CSMD3: variants seen among roughly 807,000 people sequenced by gnomAD.
CSMD3 encodes the protein CUB and Sushi multiple domains 3, also known as CUB and sushi domain-containing protein 3.
CSMD3 carries 177 observed loss-of-function variants against 435.2 expected under a neutral mutation model. The observed-to-expected ratio is 0.41, with a 90% CI of 0.36 to 0.46. The LOEUF (loss-of-function observed/expected upper bound fraction) is 0.46, where lower values mean the gene tolerates loss of function less well. Ranked by LOEUF, CSMD3 falls within the 20% of genes least tolerant of loss-of-function variation. The pLI, the probability that CSMD3 is intolerant of heterozygous loss-of-function variation, is 0.34. For synonymous variants in CSMD3, 1,656 were observed against 1,520.5 expected (o/e 1.09, Z -2.07); for missense variants, 4,265 against 4,504.6 (o/e 0.95, Z 1.52).
At chr8:112,654,520 C>T (rs1175794800) in intron 18 of CSMD3, among the ~76,000 whole-genome samples, 2 of 152,210 alleles carry the variant, frequency 1.3e-5, no homozygotes, top group East Asian at 3.9e-4. Flanking sequence ...TTCCACTTTG[C>T]CTTTTAAGGC....
rs571022358 is a variant in CSMD3 at position 112,530,241 on chromosome 8, A to G, written c.4565-13016T>C. On this transcript the variant is annotated intron_variant, in intron 27 of 70. Transcript: ENST00000297405. ...AAGAAAAACAGGACAGTTTACTCAA[A>G]TAAATAATAGCTAAAATTTTCCCAA... Among the ~76,000 whole-genome samples the G allele has an allele frequency of 4.6e-5, 7 of 152,314 alleles. No homozygotes were observed. In the East Asian group the frequency reaches 1.4e-3, roughly 29 times the overall value.
intron 45 of CSMD3, among the ~76,000 whole-genome samples, chr8:112,324,515 C>T (rs1823306590): frequency 6.6e-6 from 1 of 151,576 alleles, no homozygotes; most frequent in Admixed American, 6.6e-5. Flanking sequence ...TCTGTATATG[C>T]TAATAGTTGG....
At position 112,504,157 on chromosome 8, in the gene CSMD3, CAAATA is replaced by C. The variant is rs144082234; in HGVS notation, c.4896-185_4896-181del. On this transcript the variant is annotated intron_variant, in intron 29 of 70. Transcript: ENST00000297405. The stretch of plus-strand genomic sequence containing the variant: ...GCAACAACATATTTAATATAAATAT[CAAATA>C]AGCAGGGGAAAAAGAAAAAAACTTG... Among the ~76,000 whole-genome samples, 425 of 151,828 alleles carry C rather than the reference CAAATA, an allele frequency of 2.8e-3. 1 individual carries two copies. The highest frequency in any genetic ancestry group is 9.6e-3 in the African/African-American group (398 of 41,408).
At chr8:112,503,353 GA>G (rs1419296811) in intron 30 of CSMD3, among the ~76,000 whole-genome samples, 1 of 152,216 alleles carries the variant, frequency 6.6e-6, no homozygotes, top group Non-Finnish European at 1.5e-5. Context: ...AAAGTGCTAG[GA>G]TTACAGGCAT....
chr8:112,799,244 C>T (rs1403321482), intron 13 of CSMD3, among the ~76,000 whole-genome samples: 5 of 107,786 alleles, frequency 4.6e-5, no homozygotes, highest in Non-Finnish European at 9.4e-5. Flanking sequence ...TGTTCTGTCT[C>T]TCTGACAACA....
chr8:112,950,550 G>C (rs2083771251), intron 8 of CSMD3, among the ~76,000 whole-genome samples: 1 of 151,892 alleles, frequency 6.6e-6, no homozygotes, highest in Admixed American at 6.6e-5. Flanking sequence ...AAATTTAAAT[G>C]ATAGTTAACA....
intron 4 of CSMD3, among the ~76,000 whole-genome samples, chr8:113,166,447 G>A (rs2092151022): frequency 2.0e-5 from 3 of 152,166 alleles, no homozygotes; most frequent in Admixed American, 2.0e-4. Context: ...GGAGGTTGCA[G>A]TGAGCTGAGA....
At chr8:112,856,881 C>T (rs954370088) in intron 11 of CSMD3, among the ~76,000 whole-genome samples, 1 of 151,746 alleles carries the variant, frequency 6.6e-6, no homozygotes, top group African/African-American at 2.4e-5. Context: ...CAATTTCCTT[C>T]TGAAAAGGGT....
At chr8:113,057,781 A>C (rs1387074474) in intron 5 of CSMD3, among the ~76,000 whole-genome samples, 1 of 151,962 alleles carries the variant, frequency 6.6e-6, no homozygotes, top group Non-Finnish European at 1.5e-5. Context: ...GATGGCTTCA[A>C]AATAATTACT....
chr8:113,148,097 G>T (rs143634867), intron 4 of CSMD3, among the ~76,000 whole-genome samples: 215 of 151,744 alleles, frequency 1.4e-3, no homozygotes, highest in African/African-American at 5.1e-3. Context: ...TCTTTAAAAT[G>T]ACTTGCAATG....
intron 31 of CSMD3, among the ~76,000 whole-genome samples, chr8:112,479,916 A>G (rs1438770404): frequency 6.6e-6 from 1 of 152,184 alleles, no homozygotes; most frequent in Non-Finnish European, 1.5e-5. Context: ...AGTTGTGGGA[A>G]GTAGGCCACC....
intron 6 of CSMD3, among the ~76,000 whole-genome samples, chr8:112,978,910 T>C (rs1251535423): frequency 1.3e-5 from 2 of 151,834 alleles, no homozygotes; most frequent in Admixed American, 6.6e-5. Flanking sequence ...AAGAATGAAT[T>C]CAATAGGACT....
At chr8:112,307,383 C>A (rs1280159711) in intron 50 of CSMD3, among the ~76,000 whole-genome samples, 1 of 152,084 alleles carries the variant, frequency 6.6e-6, no homozygotes, top group African/African-American at 2.4e-5. Flanking sequence ...TGGGCTCAAG[C>A]AGTCCTCCTA....
At chr8:112,634,608 G>A (rs187799131) in intron 22 of CSMD3, among the ~76,000 whole-genome samples, 4 of 151,914 alleles carry the variant, frequency 2.6e-5, no homozygotes, top group Non-Finnish European at 4.4e-5. Context: ...ATTTGGGTAC[G>A]AATAAACCAG....
At chr8:113,154,020 T>C (rs1047625954) in intron 4 of CSMD3, among the ~76,000 whole-genome samples, 5 of 151,896 alleles carry the variant, frequency 3.3e-5, no homozygotes, top group African/African-American at 1.2e-4. Flanking sequence ...TCCCAATAAA[T>C]GGTAAGTTTG....
rs185279576 is a variant in CSMD3, at chr8:113,405,056, C to G, written c.178+31621G>C. 4.4e-3 allele frequency among the ~76,000 whole-genome samples: 660 copies of G among 151,558 alleles called. 3 individuals are homozygous for G. Among genetic ancestry groups the G allele is most frequent in the Middle Eastern group, 0.031 (9 of 292 alleles). Reference sequence around the variant, plus strand: ...ATTTTCAGTGAGTAAATGATCATCACTTAATACATGGATGAAAATTTCTTT... The same window carrying G: ...ATTTTCAGTGAGTAAATGATCATCAGTTAATACATGGATGAAAATTTCTTT... On this transcript the variant is annotated intron_variant, in intron 1 of 70. Transcript: ENST00000297405.
At chr8:113,020,782 C>A (rs1219450604) in intron 5 of CSMD3, among the ~76,000 whole-genome samples, 2 of 152,128 alleles carry the variant, frequency 1.3e-5, no homozygotes, top group African/African-American at 2.4e-5. Context: ...CAAATATTCT[C>A]TCACCTTTTG....
intron 1 of CSMD3, among the ~76,000 whole-genome samples, chr8:113,364,710 T>C (rs760022914): frequency 6.6e-6 from 1 of 152,098 alleles, no homozygotes; most frequent in Non-Finnish European, 1.5e-5. Flanking sequence ...TACCATGTCA[T>C]GGAAATTTGG....
chr8:112,929,596 A>G (rs1337653667), intron 9 of CSMD3, among the ~76,000 whole-genome samples: 1 of 152,072 alleles, frequency 6.6e-6, no homozygotes, highest in Non-Finnish European at 1.5e-5. Context: ...ACAATTTTTA[A>G]TAGATCTTCA....
Sources: gnomAD v4.1 joint callset for allele counts (sites outside exome capture counted in the v4.1 genomes callset) on GRCh38, gnomAD v4.1.1 for gene constraint, MANE v1.5 for transcripts, NCBI Gene and HGNC (gene_info 2026-07-23, HGNC 2026-07-21) for gene names.